The following PPM1L variants were observed in gnomAD, a reference collection of about 807,000 sequenced individuals.
PPM1L encodes the protein protein phosphatase, Mg2+/Mn2+ dependent 1L.
In PPM1L, 13 loss-of-function variants were observed where a neutral mutation model predicts 31.4. The observed-to-expected ratio is 0.41, with a 90% CI of 0.27 to 0.66. PPM1L has a LOEUF of 0.66. Among genes scored for constraint, PPM1L ranks in the 30% least tolerant of loss-of-function variants. PPM1L has a pLI of 0.29. For missense variants in PPM1L, 326 were observed against 453.7 expected, an observed-to-expected ratio of 0.72 and a Z score of 2.56; for synonymous variants, 184 against 175.4, an observed-to-expected ratio of 1.05 and a Z score of -0.39.
intron 1 of PPM1L, among the ~76,000 whole-genome samples, chr3:160,931,780 A>G (rs548480548): frequency 1.4e-4 from 21 of 152,216 alleles, no homozygotes; most frequent in Admixed American, 3.9e-4. Context: ...ATGCAAACCT[A>G]TTCTTCCAAA....
At chr3:160,954,895 T>TCTTC (rs1195362398) in intron 1 of PPM1L, among the ~76,000 whole-genome samples, 270 of 128,210 alleles carry the variant, frequency 2.1e-3, no homozygotes, top group African/African-American at 7.6e-3. Flanking sequence ...TCCCTTTCTT[T>TCTTC]CTTCCTTCCT....
At chr3:160,807,530 T>C (rs2108081903) in intron 1 of PPM1L, among the ~76,000 whole-genome samples, 1 of 152,306 alleles carries the variant, frequency 6.6e-6, no homozygotes, top group African/African-American at 2.4e-5. Flanking sequence ...CTTTGTTTTA[T>C]ATTGGGACCA....
At chr3:160,828,981 TC>T (rs1464449763) in intron 1 of PPM1L, among the ~76,000 whole-genome samples, 1 of 152,080 alleles carries the variant, frequency 6.6e-6, no homozygotes, top group African/African-American at 2.4e-5. Context: ...GGACAGCCAT[TC>T]TTAGTTAAGG....
At chr3:160,944,459 C>T (rs536633314) in intron 1 of PPM1L, among the ~76,000 whole-genome samples, 19 of 150,526 alleles carry the variant, frequency 1.3e-4, no homozygotes, top group Non-Finnish European at 2.4e-4. Context: ...TATTTTTACC[C>T]ATCCATTTTC....
intron 1 of PPM1L, among the ~76,000 whole-genome samples, chr3:160,803,850 G>GT (rs1251724664): frequency 2.6e-5 from 4 of 152,154 alleles, no homozygotes; most frequent in Non-Finnish European, 5.9e-5. Context: ...AGTTTACGTA[G>GT]TATTTAATCT....
At position 160,978,033 on chromosome 3, in the gene PPM1L, C is replaced by A. The variant is rs181466957; in HGVS notation, c.574+16123C>A. 5.9e-5 allele frequency among the ~76,000 whole-genome samples: 9 copies of A among 152,174 alleles called. No individual in the cohort carries two copies. In the East Asian group the frequency reaches 1.7e-3, roughly 29 times the overall value. On this transcript the variant is annotated intron_variant, in intron 2 of 3. Transcript: ENST00000498165. ...ACAATTGGTTTATTTAGGAATATCA[C>A]CCCAAGGAACAGGAGTGAGGGGCAC...
chr3:160,961,624 AG>A (rs1160715390), intron 1 of PPM1L, 111 bp from the exon 2 acceptor site: 21 of 758,900 alleles, frequency 2.8e-5, no homozygotes, highest in Admixed American at 7.7e-5. Context: ...GCTTGTCTGG[AG>A]GGTTGGTTTC....
At chr3:160,858,829 G>T (rs1256558239) in intron 1 of PPM1L, among the ~76,000 whole-genome samples, 1 of 152,118 alleles carries the variant, frequency 6.6e-6, no homozygotes, top group Non-Finnish European at 1.5e-5. Flanking sequence ...TCTATAATAA[G>T]ATGTTATTAT....
intron 2 of PPM1L, among the ~76,000 whole-genome samples, chr3:161,053,375 A>G (rs944826362): frequency 2.0e-5 from 3 of 152,326 alleles, no homozygotes; most frequent in Non-Finnish European, 2.9e-5. Context: ...GTGGTTTCCT[A>G]AGACTCTCCA....
chr3:160,865,891 G>A (rs1415917327), intron 1 of PPM1L, among the ~76,000 whole-genome samples: 1 of 152,238 alleles, frequency 6.6e-6, no homozygotes, highest in Non-Finnish European at 1.5e-5. Context: ...TACTCATTAA[G>A]TAGTGGGGGT....
chr3:160,866,464 C>T (rs1016160010), intron 1 of PPM1L, among the ~76,000 whole-genome samples: 5 of 152,122 alleles, frequency 3.3e-5, no homozygotes, highest in Admixed American at 3.3e-4. Flanking sequence ...ATTCACATTT[C>T]CTTTAGAAAT....
intron 1 of PPM1L, among the ~76,000 whole-genome samples, chr3:160,855,579 CA>C (rs1711673000): frequency 6.6e-6 from 1 of 152,164 alleles, no homozygotes; most frequent in Non-Finnish European, 1.5e-5. Context: ...AGACACGTTT[CA>C]AAAGACACCA....
chr3:161,000,728 T>G (rs1717454337), intron 2 of PPM1L, among the ~76,000 whole-genome samples: 1 of 152,186 alleles, frequency 6.6e-6, no homozygotes, highest in South Asian at 2.1e-4. Flanking sequence ...ACTCGAGAAA[T>G]TTACCAATTA....
At chr3:160,884,463 A>T (rs1417245628) in intron 1 of PPM1L, among the ~76,000 whole-genome samples, 2 of 152,228 alleles carry the variant, frequency 1.3e-5, no homozygotes, top group African/African-American at 4.8e-5. Context: ...GAGACAGTAG[A>T]AATGAAGCAG....
intron 2 of PPM1L, among the ~76,000 whole-genome samples, chr3:161,000,279 G>A (rs368939279): frequency 1.3e-5 from 2 of 152,154 alleles, no homozygotes; most frequent in South Asian, 2.1e-4. Context: ...TAAAGAATTC[G>A]AAGTGGAAGC....
At chr3:160,876,024 C>T (rs1156259053) in intron 1 of PPM1L, among the ~76,000 whole-genome samples, 1 of 152,176 alleles carries the variant, frequency 6.6e-6, no homozygotes, top group East Asian at 1.9e-4. Context: ...TTAAGGGACT[C>T]CACCAAATCT....
chr3:160,919,516 G>C (rs1161592280), intron 1 of PPM1L, among the ~76,000 whole-genome samples: 1 of 152,192 alleles, frequency 6.6e-6, no homozygotes, highest in Non-Finnish European at 1.5e-5. Flanking sequence ...ATGGATGGAG[G>C]AAGGCTCTTG....
At chr3:160,873,184 G>A (rs1480882044) in intron 1 of PPM1L, among the ~76,000 whole-genome samples, 1 of 152,112 alleles carries the variant, frequency 6.6e-6, no homozygotes, top group African/African-American at 2.4e-5. Context: ...TAAAGCTAAG[G>A]CAAAGAGAGT....
chr3:160,778,329 A>G (rs1440444630), intron 1 of PPM1L, among the ~76,000 whole-genome samples: 1 of 152,062 alleles, frequency 6.6e-6, no homozygotes, highest in African/African-American at 2.4e-5. Context: ...TATTTCTAAT[A>G]TATTTTTATA....
Sources: allele counts gnomAD v4.1 joint callset (sites outside exome capture counted in the v4.1 genomes callset), GRCh38; gene constraint gnomAD v4.1.1; transcripts MANE v1.5; gene names NCBI Gene and HGNC (gene_info 2026-07-23, HGNC 2026-07-21).